Variants in SLC5A2 observed in about 807,000 individuals in gnomAD.
SLC5A2 encodes the protein solute carrier family 5 member 2.
In SLC5A2, 67 loss-of-function variants were observed where a neutral mutation model predicts 69.0. The ratio of observed to expected loss-of-function variants is 0.97; its 90% CI spans 0.80 to 1.19. The LOEUF (loss-of-function observed/expected upper bound fraction) is 1.19, where lower values mean the gene tolerates loss of function less well. SLC5A2 is among the 50% of genes most tolerant of loss of function. SLC5A2 has a pLI of 0.00. For synonymous variants in SLC5A2, 455 were observed against 395.8 expected (o/e 1.15, Z -1.78); for missense variants, 1,001 against 921.5 (o/e 1.09, Z -1.12).
chr16:31,490,768 T>C lies in SLC5A2; in HGVS notation c.*233T>C, dbSNP rs1332789403. ...GAAAAATAAAGCTGCCTTTCCCCTG[T>C]CCTGCTGTGGCCAAAGTGTCCTTGC... On this transcript the variant is annotated 3_prime_UTR_variant, in exon 14 of 14. Coordinates refer to ENST00000330498, the MANE Select transcript of SLC5A2 (RefSeq NM_003041.4). 6.4e-7 allele frequency: 1 copy of C among 1,552,834 alleles called. No individual in the cohort carries two copies. Among genetic ancestry groups the C allele is most frequent in the African/African-American group, 1.4e-5 (1 of 73,504 alleles).
rs375092572 is a variant in SLC5A2 at position 31,484,761 on chromosome 16, C to G, written c.198+17C>G. ...TGGTGGCCGGTGAGACGGGCTGGGC[C>G]GGGAACGGGAGGGGCCTGGAGAAGC... On this transcript the variant is annotated intron_variant, in intron 2 of 13. Coordinates refer to ENST00000330498, the MANE Select transcript of SLC5A2 (RefSeq NM_003041.4). 2 of 1,610,716 alleles carry G rather than the reference C, an allele frequency of 1.2e-6. No homozygotes were observed. Among genetic ancestry groups the G allele is most frequent in the East Asian group, 2.2e-5 (1 of 44,884 alleles).
rs148186423 is a variant in SLC5A2 at position 31,490,232 on chromosome 16, T to C, written c.1792+2T>C. ...CAGAGAGTGCCATGGAGATGAATGG[T>C]AGGGCACCATGCTGGGAGGTGGGGC... On this transcript the variant is annotated splice_donor_variant, in intron 13 of 13. Coordinates refer to ENST00000330498, the MANE Select transcript of SLC5A2 (RefSeq NM_003041.4). LOFTEE classifies it high-confidence loss of function. 8.7e-6 allele frequency: 14 copies of C among 1,613,988 alleles called. No individual in the cohort carries two copies. In the African/African-American group the frequency reaches 1.6e-4, roughly 18 times the overall value.
In SLC5A2 at chr16:31,488,772, G is replaced by C. The variant is rs1366660004; in HGVS notation, c.1280G>C (p.Arg427Pro). 1 of 1,600,636 alleles carries C rather than the reference G, an allele frequency of 6.2e-7. No homozygotes were observed. The change falls in exon 10 of 14, where the codon CGG becomes CCG. Residue 427 changes from arginine to proline, a missense_variant and splice_region_variant. By Grantham distance (103) the Arg-to-Pro change is moderately radical (BLOSUM62 -2). Transcript: ENST00000330498. ...AGDRELLLVGRLWVVFIVVVS... is the reference protein window; with the variant it reads ...AGDRELLLVGPLWVVFIVVVS... ...GACCGCGAGCTGCTGCTGGTGGGACGGTGCGGCCTGGGCTCCCCTCCTCCC... is the reference window on the plus strand; with the variant it reads ...GACCGCGAGCTGCTGCTGGTGGGACCGTGCGGCCTGGGCTCCCCTCCTCCC...
Position 31,488,607 on chromosome 16 carries a change from G to A in SLC5A2, c.1130-15G>A, listed in dbSNP as rs2082522539. The A allele has an allele frequency of 4.3e-6, 7 of 1,609,424 alleles. No homozygotes were observed. The South Asian group carries it at 6.6e-5, about 15-fold the overall frequency. On this transcript the variant is annotated splice_polypyrimidine_tract_variant and intron_variant, in intron 9 of 13. Transcript: ENST00000330498. ...CCCCAGTGGCCCCAGCCTCACGGCT[G>A]CCGTCGGCCCGCAGGTCTGCGCGGA...
At chr16:31,489,371 G>C (rs781460698) in intron 12 of SLC5A2, 33 bp downstream of exon 12, 1 of 1,579,612 alleles carries the variant, frequency 6.3e-7, no homozygotes, top group Non-Finnish European at 8.6e-7. Context: ...CAAGCACTGT[G>C]GGACACAGCA....
chr16:31,490,755 T>G lies in SLC5A2; in HGVS notation c.*220T>G. On this transcript the variant is annotated 3_prime_UTR_variant, in exon 14 of 14. Transcript: ENST00000330498. ...CAGTTGCCCTAAGGAAAAATAAAGC[T>G]GCCTTTCCCCTGTCCTGCTGTGGCC... 1.3e-6 allele frequency: 2 copies of G among 1,500,256 alleles called. No individual in the cohort carries two copies. The highest frequency in any genetic ancestry group is 2.3e-5 in the South Asian group (2 of 88,254). 92.9% of individuals were successfully genotyped at this position (1,500,256 alleles called of 1,614,324 possible).
Position 31,488,852 on chromosome 16 carries a change from G to A in SLC5A2, c.1281-28G>A, listed in dbSNP as rs201104779. On this transcript the variant is annotated intron_variant, in intron 10 of 13. Coordinates refer to ENST00000330498, the MANE Select transcript of SLC5A2 (RefSeq NM_003041.4). The stretch of plus-strand genomic sequence containing the variant: ...GCACCTGCAGGGGAGCCCAGGGTCC[G>A]GGTTCGATCCGACGGCCTCCGCCGC... 6 of 1,602,976 alleles carry A rather than the reference G, an allele frequency of 3.7e-6. No individual in the cohort carries two copies. In the South Asian group the frequency reaches 6.6e-5, roughly 18 times the overall value.
chr16:31,489,054 CG>C lies in SLC5A2; in HGVS notation c.1449+8del. ...TGCCGCGCGTTAATGAGCAGGTGAG[CG>C]GCACGCGCGTGGTGACGGCAGGGCT... On this transcript the variant is annotated splice_region_variant and intron_variant, in intron 11 of 13. Coordinates refer to ENST00000330498, the MANE Select transcript of SLC5A2 (RefSeq NM_003041.4). 1 of 1,601,372 alleles carries C rather than the reference CG, an allele frequency of 6.2e-7. No individual in the cohort carries two copies. Among genetic ancestry groups the C allele is most frequent in the Non-Finnish European group, 8.5e-7 (1 of 1,179,880 alleles).
In SLC5A2 at chr16:31,488,121, G is replaced by A; in HGVS notation, c.969G>A (p.Thr323=). Residue 323 remains threonine (T), a synonymous_variant, in exon 8 of 14, where the codon ACG becomes ACA. Transcript: ENST00000330498. ...GCILCGYLKL[T]PMFLMVMPGM... ...TCCTGTGTGGGTACCTGAAGCTGAC[G>A]CCCATGTTTCTCATGGTCATGCCAG... The A allele has an allele frequency of 6.2e-7, 1 of 1,614,050 alleles. No individual in the cohort carries two copies. Among genetic ancestry groups the A allele is most frequent in the South Asian group, 1.1e-5 (1 of 91,092 alleles).
rs769973584 is a variant in SLC5A2, at chr16:31,488,717, A to T, written c.1225A>T (p.Ile409Phe). The change falls in exon 10 of 14, where the codon ATC becomes TTC. Residue 409 changes from isoleucine to phenylalanine, a missense_variant. By Grantham distance (21) the Ile-to-Phe change is conservative. Transcript: ENST00000330498. ...CAGCAGCACGCTCTTCACCATGGAC[A>T]TCTACACGCGCCTGCGGCCACGCGC... ...NSSSTLFTMD[I>F]YTRLRPRAGD... 3 of 1,612,238 alleles carry T rather than the reference A, an allele frequency of 1.9e-6. No homozygotes were observed. Among genetic ancestry groups the T allele is most frequent in the Non-Finnish European group, 2.5e-6 (3 of 1,179,358 alleles).
chr16:31,486,031 T>A, intron 4 of SLC5A2, 138 bp downstream of exon 4: 1 of 1,202,528 alleles, frequency 8.3e-7, no homozygotes, highest in Non-Finnish European at 1.2e-6. Context: ...CTGCAATGAA[T>A]GTCTCCGGGG....
rs140508520 is a variant in SLC5A2 at position 31,489,318 on chromosome 16, G to C, written c.1645G>C (p.Ala549Pro). The change falls in exon 12 of 14, where the codon GCG becomes CCG. Residue 549 changes from alanine to proline, a missense_variant. By Grantham distance (27) the Ala-to-Pro change is conservative. Coordinates refer to ENST00000330498, the MANE Select transcript of SLC5A2 (RefSeq NM_003041.4). The part of the protein sequence containing the change: ...LLTLTVSLCT[A>P]PIPRKHLHRL... ...CACCCTCACGGTCTCCCTGTGCACCGCGCCCATCCCCAGAAAGCACGTGAG... is the reference window on the plus strand; with the variant it reads ...CACCCTCACGGTCTCCCTGTGCACCCCGCCCATCCCCAGAAAGCACGTGAG... 1 of 1,609,076 alleles carries C rather than the reference G, an allele frequency of 6.2e-7. No homozygotes were observed. Among genetic ancestry groups the C allele is most frequent in the Non-Finnish European group, 8.5e-7 (1 of 1,179,988 alleles).
chr16:31,490,411 A>C lies in SLC5A2; in HGVS notation c.1895A>C (p.Glu632Ala), dbSNP rs753477563. The change falls in exon 14 of 14, where the codon GAG becomes GCG. Residue 632 changes from glutamate to alanine, a missense_variant. Glu to Ala is a moderately radical substitution (Grantham distance 107, BLOSUM62 -1). Coordinates refer to ENST00000330498, the MANE Select transcript of SLC5A2 (RefSeq NM_003041.4). ...VGSPPPLTQE[E>A]AAAAARRLED... ...AGTCCTCCGCCCCTTACCCAGGAGG[A>C]GGCAGCGGCAGCAGCCAGGCGGCTG... is the stretch of plus-strand genomic sequence containing the variant. 3.0e-5 allele frequency: 48 copies of C among 1,613,520 alleles called. No homozygotes were observed. The highest frequency in any genetic ancestry group is 5.5e-5 in the South Asian group (5 of 90,970).
Position 31,488,773 on chromosome 16 carries a change from G to T in SLC5A2, c.1280+1G>T. 1 of 1,600,862 alleles carries T rather than the reference G, an allele frequency of 6.2e-7. No individual in the cohort carries two copies. The highest frequency in any genetic ancestry group is 8.5e-7 in the Non-Finnish European group (1 of 1,177,402). On this transcript the variant is annotated splice_donor_variant, in intron 10 of 13. Coordinates refer to ENST00000330498, the MANE Select transcript of SLC5A2 (RefSeq NM_003041.4). LOFTEE classifies it high-confidence loss of function. Reference sequence around the variant, plus strand: ...ACCGCGAGCTGCTGCTGGTGGGACGGTGCGGCCTGGGCTCCCCTCCTCCCC... The same window carrying T: ...ACCGCGAGCTGCTGCTGGTGGGACGTTGCGGCCTGGGCTCCCCTCCTCCCC...
chr16:31,486,111 A>G, intron 4 of SLC5A2, 59 bp from the exon 5 acceptor site: 2 of 1,358,206 alleles, frequency 1.5e-6, no homozygotes, highest in South Asian at 2.3e-5. Flanking sequence ...TGGCCTGGGC[A>G]GGAGGTGGGC....
chr16:31,490,579 T>C lies in SLC5A2; in HGVS notation c.*44T>C, dbSNP rs749691010. The C allele has an allele frequency of 4.0e-6, 6 of 1,514,036 alleles. No homozygotes were observed. Among genetic ancestry groups the C allele is most frequent in the Middle Eastern group, 1.7e-4 (1 of 5,844 alleles). The allele number at this position is 1,514,036 out of a possible 1,614,324, so 93.8% of individuals were successfully genotyped here. A position where few individuals can be genotyped will look rare whatever the true frequency, so the allele number is the denominator to read the frequency against. ...CCATAAGCCACAGCCTCACAGGAAG[T>C]GGGGGTGAGGAGCCTGCGGTGCTCC... On this transcript the variant is annotated 3_prime_UTR_variant, in exon 14 of 14. Transcript: ENST00000330498.
chr16:31,484,721 G>A lies in SLC5A2; in HGVS notation c.175G>A (p.Gly59Arg). ...RGTVGGYFLA[G>R]RSMVWWPVGA... ...CACTGTGGGCGGCTACTTCCTGGCAGGACGCAGCATGGTGTGGTGGCCGGT... is the reference window on the plus strand; with the variant it reads ...CACTGTGGGCGGCTACTTCCTGGCAAGACGCAGCATGGTGTGGTGGCCGGT... The change falls in exon 2 of 14, where the codon GGA (glycine) becomes AGA (arginine). Residue 59 changes from glycine (G) to arginine (R), a missense_variant. Transcript: ENST00000330498. 6.2e-7 allele frequency: 1 copy of A among 1,610,060 alleles called. No homozygotes were observed. Among genetic ancestry groups the A allele is most frequent in the East Asian group, 2.2e-5 (1 of 44,878 alleles).
Position 31,490,696 on chromosome 16 carries a change from A to G in SLC5A2, c.*161A>G. The G allele has an allele frequency of 1.8e-6, 2 of 1,129,706 alleles. No individual in the cohort carries two copies. Among genetic ancestry groups the G allele is most frequent in the Admixed American group, 1.9e-5 (1 of 53,116 alleles). 70.0% of individuals were successfully genotyped at this position (1,129,706 alleles called of 1,614,324 possible). On this transcript the variant is annotated 3_prime_UTR_variant, in exon 14 of 14. Transcript: ENST00000330498. The stretch of plus-strand genomic sequence containing the variant: ...CTGGGGCCCACTGCATCTGATTGGC[A>G]GTCACTTCCCATGAGGGCCTGGCCC...
rs1260048991 is a variant in SLC5A2 at position 31,488,400 on chromosome 16, G to A, written c.1039G>A (p.Val347Met). The change falls in exon 9 of 14, where the codon GTG becomes ATG. Residue 347 changes from valine (V) to methionine (M), a missense_variant. Transcript: ENST00000330498. ...ILYPDEVACV[V>M]PEVCRRVCGT... ...TCTGGCAGACGAGGTGGCGTGCGTGGTGCCTGAGGTGTGCAGGCGCGTGTG... is the reference window on the plus strand; with the variant it reads ...TCTGGCAGACGAGGTGGCGTGCGTGATGCCTGAGGTGTGCAGGCGCGTGTG... 2 of 1,611,568 alleles carry A rather than the reference G, an allele frequency of 1.2e-6. No individual in the cohort carries two copies. The highest frequency in any genetic ancestry group is 2.7e-5 in the African/African-American group (2 of 74,940).
Sources: gnomAD v4.1 joint callset for allele counts on GRCh38, gnomAD v4.1.1 for gene constraint, MANE v1.5 for transcripts, NCBI Gene and HGNC (gene_info 2026-07-23, HGNC 2026-07-21) for gene names.